Variants in FSTL4 observed in about 807,000 individuals in gnomAD.
FSTL4 encodes follistatin like 4.
In FSTL4, 28 loss-of-function variants were observed where a neutral mutation model predicts 78.2. The ratio of observed to expected loss-of-function variants is 0.36; its 90% CI spans 0.27 to 0.49. The LOEUF (loss-of-function observed/expected upper bound fraction) is 0.49. FSTL4 is among the 20% of genes least tolerant of loss of function. The pLI is 0.98. For missense variants in FSTL4, 922 were observed against 1,084.9 expected (o/e 0.85, Z 2.11); for synonymous variants, 422 against 440.5 (o/e 0.96, Z 0.53).
At chr5:133,669,342 G>A in the FSTL4 span, among the ~76,000 whole-genome samples, 1 of 152,176 alleles carries the variant, frequency 6.6e-6, no homozygotes, top group Non-Finnish European at 1.5e-5. Flanking sequence ...GCTCCAGGCT[G>A]GCCACCCTGC....
intron 4 of FSTL4, among the ~76,000 whole-genome samples, chr5:133,393,139 A>G (rs1443949281): frequency 6.6e-6 from 1 of 152,236 alleles, no homozygotes; most frequent in East Asian, 1.9e-4. Flanking sequence ...CGGGGCTATG[A>G]GTGAACTGTC....
chr5:133,370,309 G>C lies in FSTL4; in HGVS notation c.409+30429C>G, dbSNP rs376975955. On this transcript the variant is annotated intron_variant, in intron 4 of 15. Transcript: ENST00000265342. ...GTTGGCAGGCTGGGCTGTGGGCAGG[G>C]AGACAGGCTGAGACTGAGATGGCCC... Among the ~76,000 whole-genome samples the C allele has an allele frequency of 3.3e-4, 51 of 152,288 alleles. No individual in the cohort carries two copies. In the East Asian group the frequency reaches 3.9e-3, roughly 12 times the overall value.
chr5:133,290,312 T>C (rs1049242409), intron 6 of FSTL4, among the ~76,000 whole-genome samples: 4 of 152,246 alleles, frequency 2.6e-5, no homozygotes, highest in African/African-American at 9.6e-5. Context: ...GCACTCGCAA[T>C]GCCTGCACCT....
At chr5:133,753,683 C>CTGTGTG in the FSTL4 span, among the ~76,000 whole-genome samples, 1,657 of 120,526 alleles carry the variant, frequency 0.014, 36 homozygotes, top group African/African-American at 0.018. Context: ...CACATTTGTT[C>CTGTGTG]TGTGTGTGTG....
chr5:133,381,661 C>T (rs1006777500), intron 4 of FSTL4, among the ~76,000 whole-genome samples: 3 of 152,206 alleles, frequency 2.0e-5, no homozygotes, highest in Admixed American at 1.3e-4. Flanking sequence ...ACTGCATGTA[C>T]ACATTTTCAT....
intron 4 of FSTL4, among the ~76,000 whole-genome samples, chr5:133,324,964 C>T (rs1754170927): frequency 6.6e-6 from 1 of 152,252 alleles, no homozygotes; most frequent in Non-Finnish European, 1.5e-5. Flanking sequence ...AATGCTGTTC[C>T]CATGGAGTGA....
At chr5:133,551,876 C>A (rs1250129157) in intron 3 of FSTL4, among the ~76,000 whole-genome samples, 1 of 152,128 alleles carries the variant, frequency 6.6e-6, no homozygotes, top group Non-Finnish European at 1.5e-5. Flanking sequence ...AAAGCAATTG[C>A]CTCATTTTAA....
chr5:133,768,909 T>C, the FSTL4 span, among the ~76,000 whole-genome samples: 142 of 152,352 alleles, frequency 9.3e-4, no homozygotes, highest in Non-Finnish European at 1.9e-3. Flanking sequence ...TCCTGCATGT[T>C]ACATCAGGTA....
chr5:133,415,488 T>C (rs1756559190), intron 3 of FSTL4, among the ~76,000 whole-genome samples: 1 of 152,246 alleles, frequency 6.6e-6, no homozygotes, highest in South Asian at 2.1e-4. Context: ...ATTTCAACTC[T>C]AAACACATAA....
chr5:133,356,507 G>T (rs1408018754), intron 4 of FSTL4, among the ~76,000 whole-genome samples: 1 of 152,214 alleles, frequency 6.6e-6, no homozygotes, highest in Non-Finnish European at 1.5e-5. Flanking sequence ...CCTGGGGAGA[G>T]GCCAGGCTGA....
At chr5:133,530,359 C>T (rs1252364457) in intron 3 of FSTL4, among the ~76,000 whole-genome samples, 2 of 152,194 alleles carry the variant, frequency 1.3e-5, no homozygotes, top group Non-Finnish European at 2.9e-5. Context: ...GTTAAAAACA[C>T]CTTGCTGGAC....
chr5:133,464,728 A>G (rs1485793075), intron 3 of FSTL4, among the ~76,000 whole-genome samples: 1 of 152,254 alleles, frequency 6.6e-6, no homozygotes, highest in African/African-American at 2.4e-5. Context: ...GAGTCGAGCC[A>G]GGGAGTTGCT....
intron 3 of FSTL4, among the ~76,000 whole-genome samples, chr5:133,556,801 A>G (rs1017898777): frequency 6.6e-6 from 1 of 152,110 alleles, no homozygotes; most frequent in African/African-American, 2.4e-5. Flanking sequence ...CCTTCCCAAG[A>G]AAGAGGGTGA....
chr5:133,683,980 T>C, the FSTL4 span, among the ~76,000 whole-genome samples: 2 of 152,272 alleles, frequency 1.3e-5, no homozygotes, highest in Admixed American at 6.5e-5. Flanking sequence ...TCCGCAGTGA[T>C]TGCCTCTTGA....
At chr5:133,318,284 T>C (rs1179831539) in intron 4 of FSTL4, among the ~76,000 whole-genome samples, 1 of 152,116 alleles carries the variant, frequency 6.6e-6, no homozygotes, top group Admixed American at 6.5e-5. Context: ...GGGCCTCCAG[T>C]TGGCAAACCC....
the FSTL4 span, among the ~76,000 whole-genome samples, chr5:133,708,026 A>G: frequency 6.6e-6 from 1 of 151,530 alleles, no homozygotes; most frequent in South Asian, 2.1e-4. Context: ...AATGCTTGGA[A>G]CAGAGCCTAG....
At chr5:133,321,458 G>A (rs763336029) in intron 4 of FSTL4, among the ~76,000 whole-genome samples, 2 of 152,196 alleles carry the variant, frequency 1.3e-5, no homozygotes, top group African/African-American at 4.8e-5. Context: ...TTACTCCTTC[G>A]GAGGGAAGGT....
At chr5:133,775,052 G>A in the FSTL4 span, among the ~76,000 whole-genome samples, 1 of 152,146 alleles carries the variant, frequency 6.6e-6, no homozygotes, top group East Asian at 1.9e-4. Flanking sequence ...GAGCCTCTTG[G>A]AATTGCAGAG....
chr5:133,298,607 A>G (rs1753461975), intron 6 of FSTL4, among the ~76,000 whole-genome samples: 1 of 152,236 alleles, frequency 6.6e-6, no homozygotes, highest in African/African-American at 2.4e-5. Context: ...GCCTACTCAG[A>G]GCTGAAGCCC....
Sources: allele counts gnomAD v4.1 joint callset (sites outside exome capture counted in the v4.1 genomes callset), GRCh38; gene constraint gnomAD v4.1.1; transcripts MANE v1.5; gene names NCBI Gene and HGNC (gene_info 2026-07-23, HGNC 2026-07-21).